The following NUDT13 variants were observed in gnomAD, a reference collection of about 807,000 sequenced individuals.
The protein encoded by NUDT13 is nudix hydrolase 13, also known as NAD(P)H pyrophosphatase NUDT13, mitochondrial.
In NUDT13, 40 loss-of-function variants were observed where a neutral mutation model predicts 41.7. That is an observed-to-expected ratio of 0.96 (90% confidence interval 0.75 to 1.25). The LOEUF is 1.25. Ranked by LOEUF, NUDT13 falls within the 50% of genes most tolerant of loss-of-function variation. The pLI, the probability that NUDT13 is intolerant of heterozygous loss-of-function variation, is 0.00. For missense variants in NUDT13, 390 were observed against 416.1 expected, an observed-to-expected ratio of 0.94 and a Z score of 0.55; for synonymous variants, 145 against 155.5, an observed-to-expected ratio of 0.93 and a Z score of 0.50.
intron 5 of NUDT13, chr10:73,124,829 G>T: frequency 3.8e-6 from 1 of 266,260 alleles, no homozygotes; most frequent in Non-Finnish European, 7.0e-6. Flanking sequence ...TTATTTTTAA[G>T]CTGGTTAGTG....
At chr10:73,129,174 T>C (rs1842858501) in intron 8 of NUDT13, among the ~76,000 whole-genome samples, 1 of 147,546 alleles carries the variant, frequency 6.8e-6, no homozygotes, top group South Asian at 2.2e-4. Context: ...TGTCTTTTTT[T>C]TTTTTTTTTT....
intron 2 of NUDT13, among the ~76,000 whole-genome samples, chr10:73,116,963 G>A (rs1197177783): frequency 8.0e-6 from 1 of 124,404 alleles, no homozygotes; most frequent in Non-Finnish European, 1.6e-5. Context: ...TCAGCTCACT[G>A]CAACCTCCAC....
intron 6 of NUDT13, 38 bp from the exon 7 acceptor site, chr10:73,125,360 A>G: frequency 1.2e-6 from 2 of 1,611,410 alleles, no homozygotes; most frequent in East Asian, 2.2e-5. Flanking sequence ...GGCAGGGCCC[A>G]AAGTGCCAGC....
chr10:73,113,044 C>T (rs111988644), intron 1 of NUDT13, among the ~76,000 whole-genome samples: 10,780 of 152,166 alleles, frequency 0.071, 636 homozygotes, highest in East Asian at 0.3. Flanking sequence ...TGTGCCACCA[C>T]GCCCAGCTAA....
chr10:73,131,015 A>G lies in NUDT13; in HGVS notation c.*112A>G. ...AGCTGCAGAAGGACCTCAGAAGGGC[A>G]GAGCAAAGGGTGAGCCTACAGTAAG... On this transcript the variant is annotated 3_prime_UTR_variant, in exon 9 of 9. Transcript: ENST00000357321. The G allele has an allele frequency of 1.2e-6, 1 of 846,836 alleles. No individual in the cohort carries two copies. Among genetic ancestry groups the G allele is most frequent in the Non-Finnish European group, 1.9e-6 (1 of 526,940 alleles). The allele number at this position is 846,836 out of a possible 1,614,324, so 52.5% of individuals were successfully genotyped here.
At chr10:73,113,784 G>C (rs1044646323) in intron 1 of NUDT13, among the ~76,000 whole-genome samples, 1 of 152,120 alleles carries the variant, frequency 6.6e-6, no homozygotes, top group Non-Finnish European at 1.5e-5. Flanking sequence ...GATGTTCCTC[G>C]GTCATTTAGT....
intron 2 of NUDT13, among the ~76,000 whole-genome samples, chr10:73,116,011 CTT>C: frequency 6.7e-6 from 1 of 150,066 alleles, no homozygotes; most frequent in African/African-American, 2.5e-5. Flanking sequence ...ATTTTTTTTT[CTT>C]TTTTTTCTTT....
chr10:73,120,136 G>GCC lies in NUDT13; in HGVS notation c.207_208dup (p.Arg70ProfsTer6). ...TCAGACTTCAGCACATCAATACCTG[G>GCC]CCCCCCGGCACAGCCTGTTAGGTAA... On this transcript the variant is annotated frameshift_variant, in exon 3 of 9. Transcript: ENST00000357321. LOFTEE classifies it high-confidence loss of function. 1 of 1,614,066 alleles carries GCC rather than the reference G, an allele frequency of 6.2e-7. No homozygotes were observed. Among genetic ancestry groups the GCC allele is most frequent in the Non-Finnish European group, 8.5e-7 (1 of 1,179,992 alleles).
chr10:73,111,546 A>T (rs1183666840), intron 1 of NUDT13, among the ~76,000 whole-genome samples: 2 of 152,166 alleles, frequency 1.3e-5, no homozygotes, highest in Non-Finnish European at 2.9e-5. Flanking sequence ...TGTGTTGGGG[A>T]GTTCAAAGAA....
chr10:73,126,926 T>C (rs1842801928), intron 8 of NUDT13, 99 bp downstream of exon 8: 1 of 1,031,960 alleles, frequency 9.7e-7, no homozygotes, highest in Non-Finnish European at 1.5e-6. Context: ...TCCAGCATCA[T>C]CTAGATTACA....
At chr10:73,114,155 G>A (rs772080760) in intron 1 of NUDT13, among the ~76,000 whole-genome samples, 24 of 152,096 alleles carry the variant, frequency 1.6e-4, no homozygotes, top group Non-Finnish European at 2.9e-4. Context: ...CATGAAAGAA[G>A]TACTGAAATG....
At chr10:73,126,251 G>A (rs548248832) in intron 7 of NUDT13, 9 of 205,358 alleles carry the variant, frequency 4.4e-5, no homozygotes, top group Admixed American at 9.6e-5. Context: ...TCACAAAGCT[G>A]TCCATCTATC....
intron 1 of NUDT13, among the ~76,000 whole-genome samples, chr10:73,111,930 T>C (rs550721447): frequency 7.2e-5 from 11 of 152,230 alleles, no homozygotes; most frequent in Non-Finnish European, 1.6e-4. Context: ...TGGCTAATTT[T>C]TTTTTCAGTA....
At chr10:73,129,876 A>C (rs1448345352) in intron 8 of NUDT13, among the ~76,000 whole-genome samples, 1 of 151,654 alleles carries the variant, frequency 6.6e-6, no homozygotes, top group Non-Finnish European at 1.5e-5. Flanking sequence ...GCTACTCGGG[A>C]GGCTGAGGCA....
intron 1 of NUDT13, among the ~76,000 whole-genome samples, chr10:73,111,887 C>T (rs1842373769): frequency 6.6e-6 from 1 of 152,060 alleles, no homozygotes; most frequent in African/African-American, 2.4e-5. Flanking sequence ...TTTTATTAGG[C>T]TTTTCTTTTG....
In NUDT13 at chr10:73,131,200, G is replaced by T; in HGVS notation, c.*297G>T. On this transcript the variant is annotated 3_prime_UTR_variant, in exon 9 of 9. Transcript: ENST00000357321. The stretch of plus-strand genomic sequence containing the variant: ...GCCCTTGTTCAGTCATTTTCTCTAA[G>T]GCCTTGGAAGCAAACATCTTCTGGC... The T allele has an allele frequency of 3.6e-6, 1 of 276,116 alleles. No homozygotes were observed. The highest frequency in any genetic ancestry group is 4.4e-5 in the Admixed American group (1 of 22,840). The allele number at this position is 276,116 out of a possible 1,614,324, so 17.1% of individuals were successfully genotyped here. A position where few individuals can be genotyped will look rare whatever the true frequency, so the allele number is the denominator to read the frequency against.
chr10:73,112,268 G>A (rs907443591), intron 1 of NUDT13, among the ~76,000 whole-genome samples: 1 of 152,100 alleles, frequency 6.6e-6, no homozygotes, highest in Non-Finnish European at 1.5e-5. Flanking sequence ...CAGGAGAATC[G>A]CTTGAACCCG....
chr10:73,130,461 TAA>T (rs10539030), intron 8 of NUDT13: 61 of 147,152 alleles, frequency 4.1e-4, no homozygotes, highest in South Asian at 6.5e-4. Context: ...AGACTCCGTC[TAA>T]AAAAAAAAAA....
At chr10:73,122,340 C>G (rs1842665313) in intron 4 of NUDT13, 31 bp downstream of exon 4, 2 of 1,559,110 alleles carry the variant, frequency 1.3e-6, no homozygotes. Flanking sequence ...CGGGTACTTC[C>G]CAGTGGTCTT....
Sources: gnomAD v4.1 joint callset for allele counts (sites outside exome capture counted in the v4.1 genomes callset) on GRCh38, gnomAD v4.1.1 for gene constraint, MANE v1.5 for transcripts, NCBI Gene and HGNC (gene_info 2026-07-23, HGNC 2026-07-21) for gene names.